Variants in MSN observed in about 807,000 individuals in gnomAD.
MSN encodes epididymis luminal protein 70.
Under a neutral mutation model 48.0 loss-of-function variants are expected in MSN, and 2 were observed. The observed-to-expected ratio is 0.04, with a 90% CI of 0.02 to 0.13. The LOEUF (loss-of-function observed/expected upper bound fraction) is 0.13. Among genes scored for constraint, MSN ranks in the 10% least tolerant of loss-of-function variants. The probability of loss-of-function intolerance (pLI) is 1.00; values close to 1 mark genes in which losing one functional copy is unlikely to be tolerated. For synonymous variants in MSN, 146 were observed against 166.9 expected (o/e 0.87, Z 0.97); for missense variants, 267 against 470.1 (o/e 0.57, Z 3.99).
At chrX:65,710,558 T>C (rs2071403544) in intron 1 of MSN, among the ~76,000 whole-genome samples, 1 of 111,093 alleles carries the variant, frequency 9.0e-6, no homozygotes, top group Non-Finnish European at 1.9e-5. Flanking sequence ...AATTATAATG[T>C]AGGCAAATAA....
At chrX:65,712,057 G>T (rs2071420298) in intron 1 of MSN, among the ~76,000 whole-genome samples, 1 of 111,217 alleles carries the variant, frequency 9.0e-6, no homozygotes, top group South Asian at 3.8e-4. Context: ...GCTCAAGGGT[G>T]ATTTGAGGCT....
At chrX:65,694,727 C>T in intron 1 of MSN, among the ~76,000 whole-genome samples, 1 of 112,156 alleles carries the variant, frequency 8.9e-6, no homozygotes, top group Non-Finnish European at 1.9e-5. Flanking sequence ...GTGCCTTCTG[C>T]TGCAATCTGT....
intron 2 of MSN, among the ~76,000 whole-genome samples, chrX:65,724,147 C>CT (rs761089353): frequency 0.013 from 1,302 of 99,134 alleles, 15 homozygotes; most frequent in African/African-American, 0.038. Flanking sequence ...CTCTCTCTCT[C>CT]TTTTTTTTTT....
At chrX:65,643,859 T>C (rs2070676248) in intron 1 of MSN, among the ~76,000 whole-genome samples, 1 of 111,869 alleles carries the variant, frequency 8.9e-6, no homozygotes, top group African/African-American at 3.2e-5. Context: ...CTATGTAAGG[T>C]GACCTAACTT....
At chrX:65,604,854 A>G (rs926784825) in intron 1 of MSN, among the ~76,000 whole-genome samples, 4 of 111,967 alleles carry the variant, frequency 3.6e-5, no homozygotes, top group Non-Finnish European at 7.5e-5. Flanking sequence ...CACTTCACCT[A>G]TATGACTGAA....
intron 1 of MSN, among the ~76,000 whole-genome samples, chrX:65,630,093 C>T (rs1020294705): frequency 5.5e-5 from 6 of 109,832 alleles, no homozygotes; most frequent in Non-Finnish European, 1.1e-4. Flanking sequence ...GTTCAAGAAT[C>T]GCTGGAACCT....
intron 1 of MSN, among the ~76,000 whole-genome samples, chrX:65,701,134 A>G (rs1435578917): frequency 8.9e-6 from 1 of 111,956 alleles, no homozygotes; most frequent in African/African-American, 3.3e-5. Flanking sequence ...GAAAGAGTGA[A>G]TGTGGAGTGT....
At chrX:65,724,847 C>T (rs111231514) in intron 2 of MSN, among the ~76,000 whole-genome samples, 1,482 of 110,196 alleles carry the variant, frequency 0.013, 36 homozygotes, top group African/African-American at 0.046. Context: ...CCACCATGCC[C>T]GGCTAATTTT....
intron 1 of MSN, among the ~76,000 whole-genome samples, chrX:65,612,216 A>C (rs867588606): frequency 4.9e-4 from 44 of 90,042 alleles, no homozygotes; most frequent in African/African-American, 3.9e-3. Context: ...TCATTATAAA[A>C]GGCAAGTTTG....
At chrX:65,736,590 A>G (rs754133593) in intron 8 of MSN, among the ~76,000 whole-genome samples, 65 of 110,465 alleles carry the variant, frequency 5.9e-4, no homozygotes, top group African/African-American at 2.0e-3. Flanking sequence ...GCATGCCACT[A>G]TGCCCAGCCA....
chrX:65,649,586 A>T (rs765939624), intron 1 of MSN, among the ~76,000 whole-genome samples: 1,546 of 98,771 alleles, frequency 0.016, 39 homozygotes, highest in African/African-American at 0.055. Context: ...AAAAAAAAAA[A>T]AAATATATAT....
At chrX:65,709,989 T>G (rs923580789) in intron 1 of MSN, among the ~76,000 whole-genome samples, 4 of 111,964 alleles carry the variant, frequency 3.6e-5, no homozygotes, top group Non-Finnish European at 5.6e-5. Context: ...TCCACTTATC[T>G]TCCTAGACTC....
At position 65,599,024 on chromosome X, in the gene MSN, C is replaced by T. The variant is rs1008567338; in HGVS notation, c.-22+10412C>T. Among the ~76,000 whole-genome samples the T allele has an allele frequency of 4.5e-5, 5 of 111,362 alleles. 1 individual carries two copies. The highest frequency in any genetic ancestry group is 2.9e-4 in the Admixed American group (3 of 10,466). On this transcript the variant is annotated intron_variant, in intron 1 of 3. Transcript: ENST00000609672. ...AGTTGCGGCTGGGCATGCTGGCTCA[C>T]GCCGGTAATCCCGGCACTTTGGGAG...
At chrX:65,655,909 G>C (rs2070777389) in intron 1 of MSN, among the ~76,000 whole-genome samples, 2 of 111,532 alleles carry the variant, frequency 1.8e-5, no homozygotes, top group Admixed American at 9.6e-5. Flanking sequence ...TGGGACTACA[G>C]GTGCCTGCCA....
chrX:65,669,352 A>AAC (rs1397798280), intron 1 of MSN, among the ~76,000 whole-genome samples: 5 of 110,789 alleles, frequency 4.5e-5, no homozygotes, highest in African/African-American at 1.6e-4. Context: ...GCTTTGCCTG[A>AAC]ACAGTTGGGT....
At chrX:65,666,675 G>T (rs774980954), upstream of MSN, among the ~76,000 whole-genome samples, 9 of 110,408 alleles carry the variant, frequency 8.2e-5, no homozygotes, top group Non-Finnish European at 1.7e-4. Context: ...TCCCCAGGCT[G>T]GTCTCGAATT....
chrX:65,723,177 C>T (rs1180782636), intron 2 of MSN, among the ~76,000 whole-genome samples: 1 of 111,613 alleles, frequency 9.0e-6, no homozygotes. Context: ...GTGTATGGGG[C>T]AGGTTCCAGG....
chrX:65,667,916 C>G (rs2070890633), intron 1 of MSN, 63 bp downstream of exon 1: 6 of 1,145,622 alleles, frequency 5.2e-6, no homozygotes, highest in Non-Finnish European at 7.1e-6. Flanking sequence ...TAGCCCTTTG[C>G]TGATGGCTGA....
chrX:65,621,407 C>T (rs983194769), intron 1 of MSN, among the ~76,000 whole-genome samples: 6 of 112,046 alleles, frequency 5.4e-5, no homozygotes, highest in East Asian at 2.8e-4. Flanking sequence ...TTATCAAAAA[C>T]GATTAGCCAC....
Sources: gnomAD v4.1 joint callset for allele counts (sites outside exome capture counted in the v4.1 genomes callset) on GRCh38, gnomAD v4.1.1 for gene constraint, MANE v1.5 for transcripts, NCBI Gene and HGNC (gene_info 2026-07-23, HGNC 2026-07-21) for gene names.